Variants in FGD5 observed in about 807,000 individuals in gnomAD.
FGD5 encodes the protein FYVE, RhoGEF and PH domain containing 5, also known as FYVE, RhoGEF and PH domain-containing protein 5.
A neutral mutation model predicts 133.4 loss-of-function variants in FGD5; 28 were observed. That is an observed-to-expected ratio of 0.21 (90% confidence interval 0.16 to 0.29). FGD5 has a LOEUF of 0.29. FGD5 is among the 10% of genes least tolerant of loss of function. The pLI is 1.00. For synonymous variants in FGD5, 810 were observed against 776.5 expected (o/e 1.04, Z -0.72); for missense variants, 1,858 against 1,895.2 (o/e 0.98, Z 0.36).
chr3:14,890,773 A>T (rs985908647), intron 4 of FGD5, among the ~76,000 whole-genome samples: 3 of 152,232 alleles, frequency 2.0e-5, no homozygotes, highest in African/African-American at 7.2e-5. Flanking sequence ...AGAGCAATTA[A>T]TATTTAAGCT....
intron 1 of FGD5, among the ~76,000 whole-genome samples, chr3:14,854,202 G>C (rs1006517593): frequency 6.6e-6 from 1 of 151,850 alleles, no homozygotes; most frequent in Non-Finnish European, 1.5e-5. Flanking sequence ...TGGGCTACTT[G>C]GTCACTAAAC....
chr3:14,844,896 A>C (rs2037017871), intron 1 of FGD5, among the ~76,000 whole-genome samples: 1 of 152,044 alleles, frequency 6.6e-6, no homozygotes, highest in African/African-American at 2.4e-5. Flanking sequence ...CCTCTTAACT[A>C]AATGCTGCTG....
intron 2 of FGD5, among the ~76,000 whole-genome samples, chr3:14,879,373 C>G (rs566640732): frequency 1.3e-5 from 2 of 152,340 alleles, no homozygotes; most frequent in African/African-American, 4.8e-5. Flanking sequence ...GTCTGATATC[C>G]GGCAGGTTTG....
At position 14,860,002 on chromosome 3, in the gene FGD5, C is replaced by G. The variant is rs192342722; in HGVS notation, c.2526-4126C>G. ...CATTGGAAAGGGACACTGACCCAAA[C>G]AATACATCATGGTCACAACTAAACA... On this transcript the variant is annotated intron_variant, in intron 1 of 19. Coordinates refer to ENST00000285046, the MANE Select transcript of FGD5 (RefSeq NM_152536.4). Among the ~76,000 whole-genome samples, 329 of 152,292 alleles carry G rather than the reference C, an allele frequency of 2.2e-3. 3 individuals carry two copies. Among genetic ancestry groups the G allele is most frequent in the African/African-American group, 7.6e-3 (315 of 41,552 alleles).
At chr3:14,882,306 T>C in intron 4 of FGD5, 1 of 985,276 alleles carries the variant, frequency 1.0e-6, no homozygotes, top group Non-Finnish European at 1.2e-6. Context: ...GAAACTTGCA[T>C]CTATGTTTGC....
chr3:14,838,444 A>G (rs2036859571), intron 1 of FGD5, among the ~76,000 whole-genome samples: 1 of 152,138 alleles, frequency 6.6e-6, no homozygotes, highest in Non-Finnish European at 1.5e-5. Flanking sequence ...GGGAGTGGAC[A>G]TTTTGAGGGC....
intron 1 of FGD5, among the ~76,000 whole-genome samples, chr3:14,836,759 T>C (rs1183702597): frequency 6.6e-6 from 1 of 151,974 alleles, no homozygotes; most frequent in Non-Finnish European, 1.5e-5. Flanking sequence ...CAGACCCCGA[T>C]TGCTGATGAG....
rs765498138 is a variant in FGD5, at chr3:14,924,054, G to A, written c.3984G>A (p.Ser1328=). ...MSFPLSSPRF[S]GSAFSSVFQS... is the part of the protein sequence containing the mutation. ...TCCCGCTGTCTTCACCCCGCTTCTC[G>A]GGCAGTGCCTTTTCATCCGTCTTCC... Residue 1328 remains serine (S), a synonymous_variant, in exon 17 of 20, where the codon TCG becomes TCA. Transcript: ENST00000285046. 6.8e-6 allele frequency: 11 copies of A among 1,613,984 alleles called. No individual in the cohort carries two copies. Among genetic ancestry groups the A allele is most frequent in the African/African-American group, 5.3e-5 (4 of 75,032 alleles).
chr3:14,895,021 T>C (rs7618333), intron 4 of FGD5, among the ~76,000 whole-genome samples: 107,297 of 152,108 alleles, frequency 0.71, 37,970 homozygotes, highest in Non-Finnish European at 0.73. Flanking sequence ...GAAATATCTG[T>C]TTAGATCTTT....
chr3:14,869,249 G>A (rs1245292760), intron 2 of FGD5, among the ~76,000 whole-genome samples: 1 of 152,034 alleles, frequency 6.6e-6, no homozygotes, highest in African/African-American at 2.4e-5. Context: ...AGCCAAGATC[G>A]AGCCACTGCA....
At chr3:14,811,055 G>T (rs962660843) in intron 1 of FGD5, among the ~76,000 whole-genome samples, 3 of 152,042 alleles carry the variant, frequency 2.0e-5, no homozygotes, top group Non-Finnish European at 4.4e-5. Flanking sequence ...AGAACCGGGG[G>T]TCCCCGTCCG....
At chr3:14,875,569 C>G (rs1181458284) in intron 2 of FGD5, among the ~76,000 whole-genome samples, 1 of 152,194 alleles carries the variant, frequency 6.6e-6, no homozygotes, top group East Asian at 1.9e-4. Flanking sequence ...ACAGGGGCCC[C>G]TTTCTGTAAG....
intron 11 of FGD5, among the ~76,000 whole-genome samples, chr3:14,912,422 T>C (rs1433843961): frequency 6.7e-6 from 1 of 150,128 alleles, no homozygotes; most frequent in African/African-American, 2.4e-5. Context: ...AAGAGGAGAG[T>C]GGACCCCAGG....
chr3:14,861,729 C>T (rs1488286845), intron 1 of FGD5, among the ~76,000 whole-genome samples: 3 of 151,978 alleles, frequency 2.0e-5, no homozygotes, highest in Admixed American at 2.0e-4. Context: ...CCAGCAGCGT[C>T]TGATGCTGGG....
intron 9 of FGD5, among the ~76,000 whole-genome samples, chr3:14,901,573 C>A (rs1440385831): frequency 1.3e-5 from 2 of 152,230 alleles, no homozygotes; most frequent in Non-Finnish European, 2.9e-5. Flanking sequence ...CAGGTGGTCA[C>A]CACATGCTCA....
chr3:14,873,736 T>C (rs1168011044), intron 2 of FGD5, among the ~76,000 whole-genome samples: 1 of 149,756 alleles, frequency 6.7e-6, no homozygotes, highest in Non-Finnish European at 1.5e-5. Context: ...TTTTTTTTCT[T>C]TTTTTTTTTT....
At chr3:14,903,240 C>T (rs1261047511) in intron 9 of FGD5, among the ~76,000 whole-genome samples, 2 of 152,180 alleles carry the variant, frequency 1.3e-5, no homozygotes, top group East Asian at 3.8e-4. Flanking sequence ...TCTGAATAGA[C>T]TTTATTTTTT....
At position 14,819,047 on chromosome 3, in the gene FGD5, C is replaced by G; in HGVS notation, c.-25C>G. 6.6e-7 allele frequency: 1 copy of G among 1,523,248 alleles called. No individual in the cohort carries two copies. The highest frequency in any genetic ancestry group is 8.8e-7 in the Non-Finnish European group (1 of 1,134,364). The allele number at this position is 1,523,248 out of a possible 1,614,324, so 94.4% of individuals were successfully genotyped here. A position where few individuals can be genotyped will look rare whatever the true frequency, so the allele number is the denominator to read the frequency against. On this transcript the variant is annotated 5_prime_UTR_variant, in exon 1 of 20. Coordinates refer to ENST00000285046, the MANE Select transcript of FGD5 (RefSeq NM_152536.4). This position sits in a 1 kb window ranked among gnomAD's most constrained non-coding sequence, Gnocchi z 4.1. Reference sequence around the variant, plus strand: ...CCAAATTCCCTTCCTCAGCCAGGCCCGAGAGTCTTCACAGTCCAAACTCCA... The same window carrying G: ...CCAAATTCCCTTCCTCAGCCAGGCCGGAGAGTCTTCACAGTCCAAACTCCA...
chr3:14,863,622 A>G (rs561039617), intron 1 of FGD5, among the ~76,000 whole-genome samples: 2 of 152,296 alleles, frequency 1.3e-5, no homozygotes, highest in East Asian at 3.9e-4. Context: ...CCTTGTTGCT[A>G]TGCAGCTGAG....
Sources: gnomAD v4.1 joint callset for allele counts (sites outside exome capture counted in the v4.1 genomes callset) on GRCh38, gnomAD v4.1.1 for gene constraint, Gnocchi (gnomAD v3.1) non-coding constraint, MANE v1.5 for transcripts, NCBI Gene and HGNC (gene_info 2026-07-23, HGNC 2026-07-21) for gene names.